The following PADI6 variants were observed in gnomAD, a reference collection of about 807,000 sequenced individuals.
PADI6 encodes the protein peptidyl arginine deiminase 6.
Under a neutral mutation model 78.2 loss-of-function variants are expected in PADI6, and 66 were observed. The observed-to-expected ratio is 0.84, with a 90% confidence interval of 0.69 to 1.04. The LOEUF is 1.04. PADI6 is among the 50% of genes least tolerant of loss of function. The pLI is 0.00. For synonymous variants in PADI6, 397 were observed against 346.9 expected (o/e 1.14, Z -1.60); for missense variants, 854 against 866.1 (o/e 0.99, Z 0.18).
At chr1:17,376,466 ATTTT>A (rs549451529) in intron 3 of PADI6, among the ~76,000 whole-genome samples, 1 of 151,030 alleles carries the variant, frequency 6.6e-6, no homozygotes, top group Non-Finnish European at 1.5e-5. Flanking sequence ...TGCCCGGCTA[ATTTT>A]TTTTTATTTT....
chr1:17,394,581 T>C (rs1401470765), intron 11 of PADI6, 127 bp downstream of exon 11: 1 of 1,050,792 alleles, frequency 9.5e-7, no homozygotes, highest in Middle Eastern at 3.2e-4. Context: ...CTGAAGACAT[T>C]TGAGCTTTTG....
chr1:17,394,247 G>A (rs1178501304), intron 10 of PADI6, 53 bp from the exon 11 acceptor site: 3 of 1,598,926 alleles, frequency 1.9e-6, no homozygotes, highest in Non-Finnish European at 8.6e-7. Flanking sequence ...TAAGACTGGG[G>A]CCTAAAGCCA....
chr1:17,387,433 G>T (rs2075130736), intron 6 of PADI6, among the ~76,000 whole-genome samples: 1 of 149,320 alleles, frequency 6.7e-6, no homozygotes, highest in African/African-American at 2.5e-5. Context: ...CAACAGAGCA[G>T]GACTCCACCT....
In PADI6 at chr1:17,388,806, C is replaced by T. The variant is rs758216427; in HGVS notation, c.888C>T (p.Asp296=). 11 of 1,613,652 alleles carry T rather than the reference C, an allele frequency of 6.8e-6. No homozygotes were observed. The highest frequency in any genetic ancestry group is 1.6e-4 in the Middle Eastern group (1 of 6,068). Residue 296 remains aspartate, a synonymous_variant, in exon 8 of 16, where the codon GAC becomes GAT. Coordinates refer to ENST00000619609, the MANE Select transcript of PADI6 (RefSeq NM_207421.4). ...PSIPETVLYK[D]TVVFRVAPCV... Reference sequence around the variant, plus strand: ...TTCCAGAGACTGTGCTGTACAAAGACACGGTGGTGTTCCGGGTGGCTCCCT... The same window carrying T: ...TTCCAGAGACTGTGCTGTACAAAGATACGGTGGTGTTCCGGGTGGCTCCCT...
intron 6 of PADI6, among the ~76,000 whole-genome samples, chr1:17,382,301 T>C (rs2075080146): frequency 6.6e-6 from 1 of 152,210 alleles, no homozygotes; most frequent in African/African-American, 2.4e-5. Context: ...GGGTGAGTTA[T>C]TGCACCTCTA....
At chr1:17,393,904 G>A (rs928767976) in intron 9 of PADI6, 71 bp from the exon 10 acceptor site, 73 of 1,399,024 alleles carry the variant, frequency 5.2e-5, no homozygotes, top group Admixed American at 3.7e-4. Flanking sequence ...GGTTCTTACC[G>A]TACCTTTTCC....
In PADI6 at chr1:17,394,381, TC is replaced by T. The variant is rs749259717; in HGVS notation, c.1268del (p.Pro423HisfsTer30). On this transcript the variant is annotated frameshift_variant, in exon 11 of 16. Coordinates refer to ENST00000619609, the MANE Select transcript of PADI6 (RefSeq NM_207421.4). LOFTEE classifies it high-confidence loss of function. ...GGATTCCATTGGGAACCTGATGGTG[TC>T]CCCACCTGTCAAGGTCCAAGGGAAA... is the stretch of plus-strand genomic sequence containing the variant. Reference protein sequence around the residue: ...SMDSIGNLMVSPPVKVQGKEY... With the variant: ...SMDSIGNLMVXPPVKVQGKEY... 6.2e-7 allele frequency: 1 copy of T among 1,613,710 alleles called. No homozygotes were observed. The highest frequency in any genetic ancestry group is 2.2e-5 in the East Asian group (1 of 44,882).
chr1:17,395,058 A>T lies in PADI6; in HGVS notation c.1445A>T (p.Asp482Val). The change falls in exon 12 of 16, where the codon GAT becomes GTT. Residue 482 changes from aspartate to valine, a missense_variant. Transcript: ENST00000619609. ...YSDWLMTGHV[D>V]EFMCFIPTDD... ...GATTGGCTAATGACTGGCCACGTGG[A>T]TGAGTTCATGTGCTTCATCCCCACA... 1 of 1,614,010 alleles carries T rather than the reference A, an allele frequency of 6.2e-7. No homozygotes were observed. The highest frequency in any genetic ancestry group is 1.1e-5 in the South Asian group (1 of 91,068).
chr1:17,379,942 C>T lies in PADI6; in HGVS notation c.390C>T (p.Ile130=). Residue 130 remains isoleucine, a synonymous_variant, in exon 4 of 16, where the codon ATC becomes ATT. Coordinates refer to ENST00000619609, the MANE Select transcript of PADI6 (RefSeq NM_207421.4). ...CAGAGGTCTCTCTAGAGGTAGACAT[C>T]TACCGCAATGGGCAAGTTGAGATGT... is the stretch of plus-strand genomic sequence containing the variant. ...TGIEVSLEVD[I]YRNGQVEMSS... 6.2e-7 allele frequency: 1 copy of T among 1,613,604 alleles called. No homozygotes were observed. Among genetic ancestry groups the T allele is most frequent in the Non-Finnish European group, 8.5e-7 (1 of 1,179,610 alleles).
intron 5 of PADI6, 32 bp from the exon 6 acceptor site, chr1:17,381,935 A>G (rs748698648): frequency 1.2e-6 from 2 of 1,612,592 alleles, no homozygotes; most frequent in South Asian, 2.2e-5. Flanking sequence ...GCCTCCAGAC[A>G]TTCCTTAACC....
In PADI6 at chr1:17,401,255, G is replaced by A. The variant is rs748462590; in HGVS notation, c.1902G>A (p.Gly634=). ...GKNLGIPKPF[G]PQIKGTCCLE... ...ACCTGGGGATCCCCAAGCCTTTTGG[G>A]CCCCAAATCAAGGGGACCTGCTGCC... is the stretch of plus-strand genomic sequence containing the variant. Residue 634 remains glycine (G), a synonymous_variant, in exon 16 of 16, where the codon GGG becomes GGA. Coordinates refer to ENST00000619609, the MANE Select transcript of PADI6 (RefSeq NM_207421.4). 10 of 1,613,928 alleles carry A rather than the reference G, an allele frequency of 6.2e-6. No individual in the cohort carries two copies. In the South Asian group the frequency reaches 8.8e-5, roughly 14 times the overall value.
chr1:17,381,462 C>A (rs760817902), intron 5 of PADI6, among the ~76,000 whole-genome samples: 6 of 152,194 alleles, frequency 3.9e-5, no homozygotes, highest in Non-Finnish European at 8.8e-5. Flanking sequence ...TGCAGTTGGC[C>A]TCCCAACTAT....
At chr1:17,376,786 CACCT>C (rs2075022388) in intron 3 of PADI6, among the ~76,000 whole-genome samples, 1 of 152,170 alleles carries the variant, frequency 6.6e-6, no homozygotes, top group Non-Finnish European at 1.5e-5. Context: ...TCAAATTAGA[CACCT>C]ACCACCAACG....
intron 15 of PADI6, among the ~76,000 whole-genome samples, chr1:17,399,621 G>A (rs146301547): frequency 9.2e-5 from 14 of 151,494 alleles, no homozygotes; most frequent in African/African-American, 2.7e-4. Flanking sequence ...TTGGCTGGTC[G>A]TGGTGGCTCA....
Position 17,400,512 on chromosome 1 carries a change from T to C in PADI6, c.1852-693T>C, listed in dbSNP as rs2075291802. On this transcript the variant is annotated intron_variant, in intron 15 of 15. Transcript: ENST00000619609. The stretch of plus-strand genomic sequence containing the variant: ...ACAAGAGCAAAACTGTTTTGTTTTT[T>C]TGTTTGTTTGTTTTTGTTTTTTAAA... Among the ~76,000 whole-genome samples, 4 of 131,630 alleles carry C rather than the reference T, an allele frequency of 3.0e-5. No homozygotes were observed. The South Asian group carries it at 9.5e-4, about 31-fold the overall frequency. The allele number at this position is 131,630 out of a possible 152,430, so 86.4% of individuals were successfully genotyped here. A position where few individuals can be genotyped will look rare whatever the true frequency, so the allele number is the denominator to read the frequency against.
At chr1:17,381,894 T>A in intron 5 of PADI6, 73 bp from the exon 6 acceptor site, 1 of 1,583,520 alleles carries the variant, frequency 6.3e-7, no homozygotes, top group South Asian at 1.1e-5. Flanking sequence ...GGCCCCTCTC[T>A]ACTGCTCTTC....
At position 17,401,489 on chromosome 1, in the gene PADI6, C is replaced by T. The variant is rs1481684804; in HGVS notation, c.*51C>T. On this transcript the variant is annotated 3_prime_UTR_variant, in exon 16 of 16. Coordinates refer to ENST00000619609, the MANE Select transcript of PADI6 (RefSeq NM_207421.4). ...TGCCCCAGCGTGGATGGCCCACTGT[C>T]ACCATGCAACAGCATGATTCTTTGC... is the stretch of plus-strand genomic sequence containing the variant. The T allele has an allele frequency of 6.9e-7, 1 of 1,454,860 alleles. No individual in the cohort carries two copies. Among genetic ancestry groups the T allele is most frequent in the Non-Finnish European group, 9.5e-7 (1 of 1,048,822 alleles). 90.1% of individuals were successfully genotyped at this position (1,454,860 alleles called of 1,614,324 possible).
chr1:17,399,541 G>A (rs1001065595), intron 15 of PADI6, among the ~76,000 whole-genome samples: 4 of 151,982 alleles, frequency 2.6e-5, no homozygotes, highest in African/African-American at 9.7e-5. Flanking sequence ...GTTGCATTGA[G>A]CCTAGATCAC....
chr1:17,380,202 T>G (rs564712428), intron 4 of PADI6, among the ~76,000 whole-genome samples: 7 of 152,086 alleles, frequency 4.6e-5, no homozygotes, highest in African/African-American at 1.7e-4. Flanking sequence ...TTGTTTTTTT[T>G]TGTTTGTTTG....
Sources: gnomAD v4.1 joint callset for allele counts (sites outside exome capture counted in the v4.1 genomes callset) on GRCh38, gnomAD v4.1.1 for gene constraint, MANE v1.5 for transcripts, NCBI Gene and HGNC (gene_info 2026-07-23, HGNC 2026-07-21) for gene names.